SSBP2: variants seen among roughly 807,000 people sequenced by gnomAD.
The protein encoded by SSBP2 is single stranded DNA binding protein 2.
In SSBP2, 17 loss-of-function variants were observed where a neutral mutation model predicts 61.8. The ratio of observed to expected loss-of-function variants is 0.28; its 90% CI spans 0.19 to 0.41. The LOEUF is 0.41. Ranked by LOEUF, SSBP2 falls within the 10% of genes least tolerant of loss-of-function variation. The pLI is 1.00. For synonymous variants in SSBP2, 139 were observed against 141.3 expected, an observed-to-expected ratio of 0.98 and a Z score of 0.12; for missense variants, 310 against 458.7, an observed-to-expected ratio of 0.68 and a Z score of 2.96.
At chr5:81,654,387 T>C (rs1206565515) in intron 1 of SSBP2, among the ~76,000 whole-genome samples, 3 of 152,200 alleles carry the variant, frequency 2.0e-5, no homozygotes, top group African/African-American at 7.2e-5. Context: ...TCCCTGAAAG[T>C]CAGTTTTCTC....
intron 1 of SSBP2, among the ~76,000 whole-genome samples, chr5:81,708,186 A>G (rs569046730): frequency 6.6e-6 from 1 of 152,286 alleles, no homozygotes; most frequent in East Asian, 1.9e-4. Flanking sequence ...TAAATCTTAA[A>G]GATACAGAGC....
At chr5:81,653,618 T>C (rs1470473787) in intron 1 of SSBP2, among the ~76,000 whole-genome samples, 1 of 152,238 alleles carries the variant, frequency 6.6e-6, no homozygotes, top group Non-Finnish European at 1.5e-5. Context: ...TGTTGTTTCC[T>C]GTCTTTTTAA....
chr5:81,586,929 C>G (rs1254673761), intron 4 of SSBP2, among the ~76,000 whole-genome samples: 2 of 151,960 alleles, frequency 1.3e-5, no homozygotes, highest in African/African-American at 4.8e-5. Flanking sequence ...GGGACCTTCC[C>G]TAGTGGACAC....
At chr5:81,481,257 T>C (rs1319573914) in intron 6 of SSBP2, among the ~76,000 whole-genome samples, 3 of 152,184 alleles carry the variant, frequency 2.0e-5, no homozygotes, top group Non-Finnish European at 4.4e-5. Flanking sequence ...AGGTTTTCAA[T>C]GTACTTCCCC....
At chr5:81,626,293 TTGAG>T (rs1340342640) in intron 3 of SSBP2, among the ~76,000 whole-genome samples, 11 of 152,222 alleles carry the variant, frequency 7.2e-5, no homozygotes, top group African/African-American at 1.7e-4. Flanking sequence ...GTTACCATTA[TTGAG>T]TAAGTACTAT....
At chr5:81,507,575 C>T (rs1313328427) in intron 5 of SSBP2, among the ~76,000 whole-genome samples, 1 of 152,000 alleles carries the variant, frequency 6.6e-6, no homozygotes, top group African/African-American at 2.4e-5. Context: ...CACATTAGCA[C>T]CTATTAAAAG....
chr5:81,504,019 A>G (rs1248707362), intron 5 of SSBP2, among the ~76,000 whole-genome samples: 1 of 152,198 alleles, frequency 6.6e-6, no homozygotes, highest in Non-Finnish European at 1.5e-5. Flanking sequence ...AGATCAGAAA[A>G]AAATAAATAT....
rs561005775 is a variant in SSBP2, at chr5:81,419,867, C to T, written c.*637G>A. 1.3e-5 allele frequency: 2 copies of T among 152,272 alleles called. No individual in the cohort carries two copies. The highest frequency in any genetic ancestry group is 2.4e-5 in the African/African-American group (1 of 41,542). 9.4% of individuals were successfully genotyped at this position (152,272 alleles called of 1,614,324 possible). ...TTGATTCAACATAAAGACGAAGACA[C>T]ATTTTCTTCTATTTTTTGAGACAGT... On this transcript the variant is annotated 3_prime_UTR_variant, in exon 17 of 17. Transcript: ENST00000320672.
At chr5:81,510,283 C>T (rs1768494768) in intron 5 of SSBP2, among the ~76,000 whole-genome samples, 1 of 152,144 alleles carries the variant, frequency 6.6e-6, no homozygotes, top group Non-Finnish European at 1.5e-5. Context: ...AACCTATTCC[C>T]CATTTTGTGT....
intron 5 of SSBP2, among the ~76,000 whole-genome samples, chr5:81,510,748 G>A (rs992384099): frequency 2.0e-5 from 3 of 149,054 alleles, no homozygotes; most frequent in Admixed American, 1.3e-4. Flanking sequence ...CAACAACAGC[G>A]AAACTCCATC....
At chr5:81,460,798 C>T (rs1418346324) in intron 10 of SSBP2, among the ~76,000 whole-genome samples, 2 of 152,026 alleles carry the variant, frequency 1.3e-5, no homozygotes, top group East Asian at 1.9e-4. Context: ...TTAAGTCACA[C>T]TATTTCAATT....
chr5:81,712,334 G>A (rs1015237737), intron 1 of SSBP2, among the ~76,000 whole-genome samples: 1 of 148,652 alleles, frequency 6.7e-6, no homozygotes, highest in African/African-American at 2.5e-5. Flanking sequence ...AAAGGGAAAG[G>A]ATCATGTCTT....
Position 81,597,071 on chromosome 5 carries a change from CAG to C in SSBP2, c.282+18400_282+18401del. 2.6e-5 allele frequency among the ~76,000 whole-genome samples: 4 copies of C among 152,096 alleles called. No individual in the cohort carries two copies. In the South Asian group the frequency reaches 8.3e-4, roughly 32 times the overall value. ...ACAGGCAACCTGTTGGGAGAAAATT[CAG>C]GCAACCTGAATGGGAGAAAATTTTT... On this transcript the variant is annotated intron_variant, in intron 4 of 16. Coordinates refer to ENST00000320672, the MANE Select transcript of SSBP2 (RefSeq NM_012446.5).
rs934446142 is a variant in SSBP2, at chr5:81,544,212, C to T, written c.283-30495G>A. On this transcript the variant is annotated intron_variant, in intron 4 of 16. Transcript: ENST00000320672. ...CTACAGGCGATGCCACCACGCCCGG[C>T]TAATTTTTGTATTTTTAGTAGAGAC... 5.3e-5 allele frequency among the ~76,000 whole-genome samples: 8 copies of T among 152,232 alleles called. No homozygotes were observed. The South Asian group carries it at 1.0e-3, about 20-fold the overall frequency.
intron 4 of SSBP2, among the ~76,000 whole-genome samples, chr5:81,583,982 T>G (rs1774881944): frequency 6.6e-6 from 1 of 152,232 alleles, no homozygotes; most frequent in Non-Finnish European, 1.5e-5. Flanking sequence ...TTACAACAGT[T>G]TCTGTATTCA....
At chr5:81,602,302 CA>C (rs1422265963) in intron 4 of SSBP2, among the ~76,000 whole-genome samples, 1 of 152,146 alleles carries the variant, frequency 6.6e-6, no homozygotes, top group African/African-American at 2.4e-5. Flanking sequence ...TTCTACGCAT[CA>C]ATTTATAAAT....
chr5:81,505,114 A>G (rs1173913258), intron 5 of SSBP2, among the ~76,000 whole-genome samples: 2 of 152,170 alleles, frequency 1.3e-5, no homozygotes, highest in Non-Finnish European at 2.9e-5. Context: ...GAAGTAGGCA[A>G]ATTATGGCTC....
At chr5:81,484,931 C>G (rs1766272224) in intron 6 of SSBP2, among the ~76,000 whole-genome samples, 1 of 152,118 alleles carries the variant, frequency 6.6e-6, no homozygotes. Flanking sequence ...TTTCAGGAAT[C>G]TGAAGAAACA....
chr5:81,701,937 T>TA (rs1754010801), intron 1 of SSBP2, among the ~76,000 whole-genome samples: 1 of 152,206 alleles, frequency 6.6e-6, no homozygotes. Flanking sequence ...ATGAAAAGTT[T>TA]AGAAAATATT....
Sources: allele counts gnomAD v4.1 joint callset (sites outside exome capture counted in the v4.1 genomes callset), GRCh38; gene constraint gnomAD v4.1.1; transcripts MANE v1.5; gene names NCBI Gene and HGNC (gene_info 2026-07-23, HGNC 2026-07-21).